The following ZNF98 variants were observed in gnomAD, a reference collection of about 807,000 sequenced individuals.
ZNF98 encodes the protein zinc finger protein 98, also known as zinc finger protein 739.
A neutral mutation model predicts 12.8 loss-of-function variants in ZNF98; 8 were observed. The ratio of observed to expected loss-of-function variants is 0.63; its 90% CI spans 0.37 to 1.13. The LOEUF is 1.13. Ranked by LOEUF, ZNF98 falls within the 50% of genes most tolerant of loss-of-function variation. The probability of loss-of-function intolerance (pLI) is 0.01; values close to 1 mark genes in which losing one functional copy is unlikely to be tolerated. For synonymous variants in ZNF98, 112 were observed against 223.5 expected (o/e 0.50, Z 4.45); for missense variants, 379 against 666.1 (o/e 0.57, Z 4.74).
At chr19:22,404,233 G>T (rs1472335872) in intron 1 of ZNF98, among the ~76,000 whole-genome samples, 1 of 152,066 alleles carries the variant, frequency 6.6e-6, no homozygotes, top group Non-Finnish European at 1.5e-5. Flanking sequence ...ATAAAAAAAA[G>T]AAAAGAAAAT....
chr19:22,392,774 A>G lies in ZNF98; in HGVS notation c.461T>C (p.Phe154Ser), dbSNP rs760404625. 1 of 1,612,528 alleles carries G rather than the reference A, an allele frequency of 6.2e-7. No homozygotes were observed. Among genetic ancestry groups the G allele is most frequent in the South Asian group, 1.1e-5 (1 of 90,884 alleles). The change falls in exon 4 of 4, where the codon TTT becomes TCT. Residue 154 changes from phenylalanine to serine, a missense_variant. This residue lies in a region of ZNF98 where 223 missense variants were observed against 261.6 expected (regional missense o/e 0.85). Coordinates refer to ENST00000357774, the MANE Select transcript of ZNF98 (RefSeq NM_001098626.2). The stretch of plus-strand genomic sequence containing the variant: ...GACTTTCACATATTTGTCATATTGA[A>G]ATATTTTGTTCTGGGTAGTTGTCAA... ...QCLTTTQNKI[F>S]QYDKYVKVFH...
At position 22,420,198 on chromosome 19, in the gene ZNF98, C is replaced by T. The variant is rs149958151; in HGVS notation, c.30+1997G>A. On this transcript the variant is annotated intron_variant, in intron 1 of 3. Transcript: ENST00000357774. ...AAAGAAAGAAAACAGATGTGTCTGA[C>T]TCATGGGTCAATTCAGATCATCCAA... is the stretch of plus-strand genomic sequence containing the variant. Among the ~76,000 whole-genome samples the T allele has an allele frequency of 3.8e-3, 578 of 152,164 alleles. 2 individuals are homozygous for T. The highest frequency in any genetic ancestry group is 0.013 in the African/African-American group (533 of 41,516).
intron 1 of ZNF98, among the ~76,000 whole-genome samples, chr19:22,406,982 C>G (rs1216705248): frequency 1.3e-5 from 2 of 152,080 alleles, no homozygotes; most frequent in African/African-American, 4.8e-5. Flanking sequence ...ACAAACTCCA[C>G]TGAGCTAAAG....
chr19:22,407,197 C>CTCTGG (rs1969529313), intron 1 of ZNF98, among the ~76,000 whole-genome samples: 7 of 151,864 alleles, frequency 4.6e-5, no homozygotes, highest in African/African-American at 1.7e-4. Context: ...GCTGGGATTA[C>CTCTGG]AGGCGCGTGC....
intron 3 of ZNF98, among the ~76,000 whole-genome samples, chr19:22,395,892 C>G (rs1357305639): frequency 6.7e-6 from 1 of 149,764 alleles, no homozygotes; most frequent in Admixed American, 6.6e-5. Flanking sequence ...AAAAAGCTAT[C>G]AAGTTGAGAA....
chr19:22,403,282 A>AAAAAAAAAAAACAAAAAAAAAC (rs1969481373), intron 2 of ZNF98, 104 bp downstream of exon 2: 1 of 1,198,636 alleles, frequency 8.3e-7, no homozygotes, highest in Non-Finnish European at 1.1e-6. Context: ...AAAAAAAAAA[A>AAAAAAAAAAAACAAAAAAAAAC]ACAGAGATCT....
In ZNF98 at chr19:22,422,316, A is replaced by G. The variant is rs1969714120; in HGVS notation, c.-92T>C. 1.3e-6 allele frequency: 2 copies of G among 1,516,068 alleles called. No individual in the cohort carries two copies. Among genetic ancestry groups the G allele is most frequent in the Admixed American group, 1.7e-5 (1 of 59,300 alleles). 93.9% of individuals were successfully genotyped at this position (1,516,068 alleles called of 1,614,324 possible). ...GACACAGAAGGGCGAAGACGAGACCAGGAACTCCGGCTGCAGCGAGAGACA... is the reference window on the plus strand; with the variant it reads ...GACACAGAAGGGCGAAGACGAGACCGGGAACTCCGGCTGCAGCGAGAGACA... On this transcript the variant is annotated 5_prime_UTR_variant, in exon 1 of 4. Transcript: ENST00000357774.
chr19:22,421,283 G>C (rs1969700579), intron 1 of ZNF98, among the ~76,000 whole-genome samples: 1 of 152,160 alleles, frequency 6.6e-6, no homozygotes, highest in South Asian at 2.1e-4. Flanking sequence ...GAGGAAGTTG[G>C]CATTTGAGAT....
In ZNF98 at chr19:22,391,306, T is replaced by C; in HGVS notation, c.*210A>G. 1.0e-6 allele frequency: 1 copy of C among 995,384 alleles called. No homozygotes were observed. Among genetic ancestry groups the C allele is most frequent in the Non-Finnish European group, 1.4e-6 (1 of 701,092 alleles). 61.7% of individuals were successfully genotyped at this position (995,384 alleles called of 1,614,324 possible). On this transcript the variant is annotated 3_prime_UTR_variant, in exon 4 of 4. Transcript: ENST00000357774. ...ATAAATTCTCTGATGCTGAATAAGA[T>C]GTGTGCAGATATTAATCACTTTTTT...
rs909297853 is a variant in ZNF98, at chr19:22,422,315, C to T, written c.-91G>A. ...GGACACAGAAGGGCGAAGACGAGAC[C>T]AGGAACTCCGGCTGCAGCGAGAGAC... On this transcript the variant is annotated 5_prime_UTR_variant, in exon 1 of 4. Transcript: ENST00000357774. 4.0e-6 allele frequency: 6 copies of T among 1,517,334 alleles called. No homozygotes were observed. Among genetic ancestry groups the T allele is most frequent in the Non-Finnish European group, 5.5e-6 (6 of 1,096,916 alleles). 94.0% of individuals were successfully genotyped at this position (1,517,334 alleles called of 1,614,324 possible).
At chr19:22,416,894 AAACT>A (rs1482137143) in intron 1 of ZNF98, among the ~76,000 whole-genome samples, 1 of 152,150 alleles carries the variant, frequency 6.6e-6, no homozygotes, top group Non-Finnish European at 1.5e-5. Flanking sequence ...TACTCTTAGA[AAACT>A]AACACAGCAG....
intron 2 of ZNF98, 115 bp downstream of exon 2, chr19:22,403,271 C>CA (rs372576912): frequency 0.04 from 40,017 of 990,784 alleles, 31 homozygotes; most frequent in South Asian, 0.074. Context: ...AAAAAAAAAA[C>CA]AAAAAAAAAA....
At chr19:22,414,077 A>G (rs1969611326) in intron 1 of ZNF98, among the ~76,000 whole-genome samples, 1 of 151,538 alleles carries the variant, frequency 6.6e-6, no homozygotes, top group South Asian at 2.1e-4. Context: ...TCTACTAAAA[A>G]TACAAAAATT....
intron 1 of ZNF98, among the ~76,000 whole-genome samples, chr19:22,411,558 G>A (rs1969580516): frequency 6.6e-6 from 1 of 152,002 alleles, no homozygotes; most frequent in African/African-American, 2.4e-5. Flanking sequence ...ATAAATCTTT[G>A]CCAAAGCAAA....
At position 22,401,485 on chromosome 19, in the gene ZNF98, AT is replaced by A. The variant is rs71180540; in HGVS notation, c.253+1303del. On this transcript the variant is annotated intron_variant, in intron 3 of 3. Transcript: ENST00000357774. The stretch of plus-strand genomic sequence containing the variant: ...CATTTCATGTCTATTGATTGAAAGA[AT>A]TTTTTTTTTTTTTTGAGATGGAGTT... Among the ~76,000 whole-genome samples the A allele has an allele frequency of 2.6e-3, 377 of 145,000 alleles. 1 individual carries two copies. The highest frequency in any genetic ancestry group is 7.0e-3 in the African/African-American group (276 of 39,492).
rs190888746 is a variant in ZNF98, at chr19:22,398,595, T to A, written c.253+4194A>T. On this transcript the variant is annotated intron_variant, in intron 3 of 3. Coordinates refer to ENST00000357774, the MANE Select transcript of ZNF98 (RefSeq NM_001098626.2). ...GATGTTCTCAAGCTTTTGGGCTCAG[T>A]CTTCCTGCCTTGGCCTCCCAAAATC... Among the ~76,000 whole-genome samples the A allele has an allele frequency of 1.1e-3, 173 of 152,198 alleles. 1 individual carries two copies. In the East Asian group the frequency reaches 0.031, roughly 28 times the overall value.
intron 3 of ZNF98, among the ~76,000 whole-genome samples, chr19:22,398,807 A>G (rs1445440950): frequency 2.0e-5 from 3 of 152,190 alleles, no homozygotes; most frequent in Non-Finnish European, 2.9e-5. Context: ...CACATAGGAA[A>G]TATGTTTATT....
At chr19:22,417,800 A>C (rs889556875) in intron 1 of ZNF98, among the ~76,000 whole-genome samples, 3 of 152,146 alleles carry the variant, frequency 2.0e-5, no homozygotes, top group Admixed American at 6.6e-5. Context: ...GTCTGGACAC[A>C]TTAATATCTA....
At chr19:22,393,773 G>A (rs1322014515) in intron 3 of ZNF98, among the ~76,000 whole-genome samples, 1 of 152,136 alleles carries the variant, frequency 6.6e-6, no homozygotes, top group African/African-American at 2.4e-5. Flanking sequence ...ACACAGGTAT[G>A]GGCAAGGACT....
Sources: allele counts gnomAD v4.1 joint callset (sites outside exome capture counted in the v4.1 genomes callset), GRCh38; gene constraint gnomAD v4.1.1; regional missense constraint gnomAD v4.1.1; transcripts MANE v1.5; gene names NCBI Gene and HGNC (gene_info 2026-07-23, HGNC 2026-07-21).